AOAH: variants seen among roughly 807,000 people sequenced by gnomAD.
AOAH encodes the protein acyloxyacyl hydrolase.
In AOAH, 64 loss-of-function variants were observed where a neutral mutation model predicts 92.2. That is an observed-to-expected ratio of 0.69 (90% confidence interval 0.57 to 0.86). The LOEUF (loss-of-function observed/expected upper bound fraction) is 0.86, where lower values mean the gene tolerates loss of function less well. AOAH is among the 40% of genes least tolerant of loss of function. AOAH has a pLI of 0.00. For missense variants in AOAH, 656 were observed against 694.6 expected (o/e 0.94, Z 0.62); for synonymous variants, 263 against 254.5 (o/e 1.03, Z -0.32).
chr7:36,571,419 TC>T (rs1653658280), intron 13 of AOAH, among the ~76,000 whole-genome samples: 1 of 152,192 alleles, frequency 6.6e-6, no homozygotes, highest in East Asian at 1.9e-4. Context: ...AAGGCTGCTC[TC>T]CAGCCCCTTC....
chr7:36,583,529 A>G (rs1789089305), intron 12 of AOAH, among the ~76,000 whole-genome samples: 2 of 152,288 alleles, frequency 1.3e-5, no homozygotes, highest in East Asian at 3.9e-4. Context: ...AGTGATAAAC[A>G]TACAGAATAT....
At chr7:36,561,578 G>A (rs117664902) in intron 13 of AOAH, among the ~76,000 whole-genome samples, 5,818 of 149,380 alleles carry the variant, frequency 0.039, 129 homozygotes, top group Middle Eastern at 0.073. Context: ...CACACGCATC[G>A]GCTGGGCCCT....
rs1416213163 is a variant in AOAH, at chr7:36,678,598, T to TGC, written c.224-4590_224-4589insGC. 5.8e-3 allele frequency among the ~76,000 whole-genome samples: 736 copies of TGC among 127,296 alleles called. 2 individuals carry two copies. The highest frequency in any genetic ancestry group is 8.0e-3 in the Non-Finnish European group (450 of 56,358). 83.5% of individuals were successfully genotyped at this position (127,296 alleles called of 152,430 possible). On this transcript the variant is annotated intron_variant, in intron 2 of 20. Transcript: ENST00000617537. ...GTGTGTGTGTGTGTGTGTGTGTGTGTGTGCGCGCGCGCGCGCGTTAGAATT... is the reference window on the plus strand; with the variant it reads ...GTGTGTGTGTGTGTGTGTGTGTGTGTGCGTGCGCGCGCGCGCGCGTTAGAATT...
chr7:36,588,341 CT>C (rs1331009093), intron 12 of AOAH, among the ~76,000 whole-genome samples: 1 of 152,236 alleles, frequency 6.6e-6, no homozygotes, highest in Admixed American at 6.5e-5. Context: ...TGTGGACCCC[CT>C]GAGAGGGTCT....
At chr7:36,551,838 AT>A (rs545020266) in intron 13 of AOAH, among the ~76,000 whole-genome samples, 9 of 152,000 alleles carry the variant, frequency 5.9e-5, no homozygotes, top group Non-Finnish European at 4.4e-5. Context: ...ACTATGTTTA[AT>A]TTTTTTTAGA....
intron 9 of AOAH, among the ~76,000 whole-genome samples, chr7:36,618,710 C>A (rs73107131): frequency 6.6e-6 from 1 of 152,124 alleles, no homozygotes; most frequent in African/African-American, 2.4e-5. Flanking sequence ...GTCTAAGTGT[C>A]CTGACATCTT....
intron 15 of AOAH, among the ~76,000 whole-genome samples, chr7:36,542,674 T>C (rs1785491865): frequency 6.6e-6 from 1 of 152,244 alleles, no homozygotes; most frequent in East Asian, 1.9e-4. Flanking sequence ...TCCACCAATG[T>C]GCAAAAATGT....
chr7:36,514,424 C>T (rs923618463), intron 20 of AOAH: 18 of 1,395,316 alleles, frequency 1.3e-5, no homozygotes, highest in Non-Finnish European at 1.8e-5. Context: ...GAATCCTTAG[C>T]TTAATACACA....
At chr7:36,701,206 T>G (rs1320698864) in intron 1 of AOAH, among the ~76,000 whole-genome samples, 3 of 151,968 alleles carry the variant, frequency 2.0e-5, no homozygotes, top group Non-Finnish European at 4.4e-5. Context: ...GATAATTACT[T>G]TATTGCATAA....
intron 3 of AOAH, among the ~76,000 whole-genome samples, chr7:36,668,621 G>A (rs1795707533): frequency 6.6e-6 from 1 of 152,116 alleles, no homozygotes; most frequent in African/African-American, 2.4e-5. Context: ...AGAGTAGCTG[G>A]GATTAGAGAG....
rs756630713 is a variant in AOAH, at chr7:36,718,283, C to T, written c.127+5739G>A. ...TCTCACTCCACAGCTACTATGATGG[C>T]GATAGCAAAATGATGAATAACTAAG... On this transcript the variant is annotated intron_variant, in intron 1 of 20. Transcript: ENST00000617537. Among the ~76,000 whole-genome samples, 17 of 152,030 alleles carry T rather than the reference C, an allele frequency of 1.1e-4. 1 individual carries two copies. Among genetic ancestry groups the T allele is most frequent in the South Asian group, 4.2e-4 (2 of 4,812 alleles).
intron 11 of AOAH, among the ~76,000 whole-genome samples, chr7:36,598,677 C>T (rs1790318547): frequency 6.6e-6 from 1 of 152,090 alleles, no homozygotes; most frequent in Admixed American, 6.5e-5. Context: ...GGTTTGAGCA[C>T]ACTAATAGAA....
chr7:36,558,601 G>A (rs945309658), intron 13 of AOAH, among the ~76,000 whole-genome samples: 9 of 152,372 alleles, frequency 5.9e-5, no homozygotes, highest in African/African-American at 2.2e-4. Context: ...AGGCCAGCAG[G>A]CCTCCTTGAG....
chr7:36,637,124 G>A (rs1793578830), intron 5 of AOAH, among the ~76,000 whole-genome samples: 2 of 152,282 alleles, frequency 1.3e-5, no homozygotes, highest in Non-Finnish European at 1.5e-5. Context: ...GTAAGCCTGC[G>A]AGAACTGATC....
At chr7:36,687,392 G>A (rs1797101222) in intron 1 of AOAH, among the ~76,000 whole-genome samples, 1 of 152,130 alleles carries the variant, frequency 6.6e-6, no homozygotes, top group Non-Finnish European at 1.5e-5. Flanking sequence ...TAAGTGTCTA[G>A]GTGGACACTT....
intron 3 of AOAH, among the ~76,000 whole-genome samples, chr7:36,672,882 T>A (rs1263936250): frequency 6.7e-6 from 1 of 148,376 alleles, no homozygotes; most frequent in Non-Finnish European, 1.5e-5. Flanking sequence ...AAAATGTTTA[T>A]AATAACATGT....
At chr7:36,598,716 AT>A (rs1312902715) in intron 11 of AOAH, among the ~76,000 whole-genome samples, 1 of 152,200 alleles carries the variant, frequency 6.6e-6, no homozygotes, top group Non-Finnish European at 1.5e-5. Flanking sequence ...TCCTTAGTAA[AT>A]TTGGTAGATA....
At chr7:36,693,375 CT>C (rs1485064612) in intron 1 of AOAH, among the ~76,000 whole-genome samples, 1 of 152,072 alleles carries the variant, frequency 6.6e-6, no homozygotes, top group Non-Finnish European at 1.5e-5. Context: ...TGACTTCTAC[CT>C]AGTCTCATCC....
intron 11 of AOAH, chr7:36,598,041 G>A (rs1030004144): frequency 1.3e-5 from 2 of 152,180 alleles, no homozygotes; most frequent in African/African-American, 4.8e-5. Flanking sequence ...TCGAGAGGAG[G>A]GGTAGGGTAG....
Sources: gnomAD v4.1 joint callset for allele counts (sites outside exome capture counted in the v4.1 genomes callset) on GRCh38, gnomAD v4.1.1 for gene constraint, MANE v1.5 for transcripts, NCBI Gene and HGNC (gene_info 2026-07-23, HGNC 2026-07-21) for gene names.